MMP26: variants seen among roughly 807,000 people sequenced by gnomAD.
The protein encoded by MMP26 is matrix metallopeptidase 26.
In MMP26, 33 loss-of-function variants were observed where a neutral mutation model predicts 31.0. The ratio of observed to expected loss-of-function variants is 1.06; its 90% CI spans 0.81 to 1.42. The LOEUF (loss-of-function observed/expected upper bound fraction) is 1.42. Ranked by LOEUF, MMP26 falls within the 40% of genes most tolerant of loss-of-function variation. MMP26 has a pLI of 0.00. For synonymous variants in MMP26, 122 were observed against 114.9 expected (o/e 1.06, Z -0.40); for missense variants, 347 against 316.1 (o/e 1.10, Z -0.74).
chr11:4,729,201 C>T (rs185451500), intron 1 of MMP26, among the ~76,000 whole-genome samples: 7 of 152,018 alleles, frequency 4.6e-5, no homozygotes, highest in Admixed American at 1.3e-4. Context: ...AATTGTTGGG[C>T]GATACAATGT....
At chr11:4,706,746 A>C (rs1343432511) in intron 1 of MMP26, among the ~76,000 whole-genome samples, 2 of 152,154 alleles carry the variant, frequency 1.3e-5, no homozygotes, top group African/African-American at 4.8e-5. Flanking sequence ...GAAACTTTAT[A>C]CCTGTTTAAC....
intron 2 of MMP26, chr11:4,912,647 T>C (rs1295512065): frequency 6.7e-6 from 1 of 150,320 alleles, no homozygotes; most frequent in Non-Finnish European, 1.5e-5. Context: ...AAGAAATTCA[T>C]AATGAAAGAT....
At chr11:4,841,397 A>G (rs1403672918) in intron 2 of MMP26, among the ~76,000 whole-genome samples, 2 of 152,188 alleles carry the variant, frequency 1.3e-5, no homozygotes, top group African/African-American at 4.8e-5. Flanking sequence ...AAAATCAAAT[A>G]TAATGAAAGG....
intron 1 of MMP26, among the ~76,000 whole-genome samples, chr11:4,747,411 T>G (rs1169101885): frequency 6.6e-6 from 1 of 152,186 alleles, no homozygotes; most frequent in Non-Finnish European, 1.5e-5. Flanking sequence ...TAAAATTTGT[T>G]TTAAATTTTA....
intron 4 of MMP26, 125 bp downstream of exon 4, chr11:4,989,993 A>G: frequency 2.8e-6 from 2 of 702,242 alleles, no homozygotes; most frequent in South Asian, 3.6e-5. Context: ...TCAAAGCCCA[A>G]AATCTCCCTC....
intron 1 of MMP26, among the ~76,000 whole-genome samples, chr11:4,757,172 C>T (rs1415328143): frequency 6.6e-6 from 1 of 151,942 alleles, no homozygotes; most frequent in Non-Finnish European, 1.5e-5. Flanking sequence ...GATTTAAACA[C>T]CTACATTATA....
chr11:4,881,510 A>C (rs1850462717), intron 2 of MMP26, among the ~76,000 whole-genome samples: 1 of 152,098 alleles, frequency 6.6e-6, no homozygotes, highest in African/African-American at 2.4e-5. Context: ...ATAGTTCTCT[A>C]TTTTGCTTAT....
At chr11:4,707,862 C>G (rs567062392) in intron 1 of MMP26, among the ~76,000 whole-genome samples, 1 of 152,220 alleles carries the variant, frequency 6.6e-6, no homozygotes, top group African/African-American at 2.4e-5. Flanking sequence ...GATCGTAGGT[C>G]TGAGAAAAAA....
At chr11:4,942,674 G>A (rs1414813413) in intron 2 of MMP26, among the ~76,000 whole-genome samples, 1 of 152,048 alleles carries the variant, frequency 6.6e-6, no homozygotes, top group Non-Finnish European at 1.5e-5. Flanking sequence ...GTGTTTTTAA[G>A]TTCTGATTAT....
At chr11:4,848,441 G>T (rs780655263) in intron 2 of MMP26, 1 of 1,613,782 alleles carries the variant, frequency 6.2e-7, no homozygotes. Context: ...TATAGAAGAG[G>T]AGCACTGCAG....
chr11:4,863,755 C>T (rs544450162), intron 2 of MMP26: 1 of 152,266 alleles, frequency 6.6e-6, no homozygotes, highest in African/African-American at 2.4e-5. Context: ...TTCACAACAC[C>T]TCTGAAAGAA....
At chr11:4,981,149 C>T (rs1846807523) in intron 2 of MMP26, among the ~76,000 whole-genome samples, 1 of 152,006 alleles carries the variant, frequency 6.6e-6, no homozygotes, top group Non-Finnish European at 1.5e-5. Context: ...AGTCAAGGAA[C>T]TGTTGTTTCT....
chr11:4,866,484 A>G (rs1040616788), intron 2 of MMP26, among the ~76,000 whole-genome samples: 1 of 152,184 alleles, frequency 6.6e-6, no homozygotes, highest in Non-Finnish European at 1.5e-5. Flanking sequence ...GGAAGAATCA[A>G]TATCATGAAA....
intron 1 of MMP26, among the ~76,000 whole-genome samples, chr11:4,739,690 T>G (rs77995957): frequency 0.11 from 17,404 of 152,208 alleles, 1,055 homozygotes; most frequent in Non-Finnish European, 0.13. Context: ...TAGGACTGCA[T>G]GTTGTATTGT....
chr11:4,831,416 G>A (rs948571906), intron 2 of MMP26, among the ~76,000 whole-genome samples: 1 of 152,132 alleles, frequency 6.6e-6, no homozygotes, highest in East Asian at 1.9e-4. Context: ...CTGAGGTTTT[G>A]AGCCTATCTT....
At chr11:4,832,469 G>C (rs1849659954) in intron 2 of MMP26, 2 of 152,922 alleles carry the variant, frequency 1.3e-5, no homozygotes, top group African/African-American at 4.8e-5. Flanking sequence ...CACAGACATG[G>C]AGTCTTCAGT....
At chr11:4,739,254 A>G (rs1464265610) in intron 1 of MMP26, among the ~76,000 whole-genome samples, 1 of 152,208 alleles carries the variant, frequency 6.6e-6, no homozygotes, top group African/African-American at 2.4e-5. Context: ...ATCTTCATCA[A>G]GGTAAATAAC....
At chr11:4,741,334 A>G (rs1848308990) in intron 1 of MMP26, among the ~76,000 whole-genome samples, 1 of 152,208 alleles carries the variant, frequency 6.6e-6, no homozygotes, top group African/African-American at 2.4e-5. Context: ...TCATTCTACT[A>G]TAAAGACACA....
At chr11:4,795,459 T>C (rs1849093115) in intron 2 of MMP26, among the ~76,000 whole-genome samples, 1 of 152,214 alleles carries the variant, frequency 6.6e-6, no homozygotes, top group African/African-American at 2.4e-5. Flanking sequence ...TAGAAAATTG[T>C]CTGAACAGGA....
Sources: allele counts gnomAD v4.1 joint callset (sites outside exome capture counted in the v4.1 genomes callset), GRCh38; gene constraint gnomAD v4.1.1; transcripts MANE v1.5; gene names NCBI Gene and HGNC (gene_info 2026-07-23, HGNC 2026-07-21).